Variants in CDC42BPA observed in about 807,000 individuals in gnomAD.
The protein encoded by CDC42BPA is serine/threonine-protein kinase MRCK alpha.
Under a neutral mutation model 223.5 loss-of-function variants are expected in CDC42BPA, and 80 were observed. That is an observed-to-expected ratio of 0.36 (90% CI 0.30 to 0.43). The LOEUF is 0.43. Among genes scored for constraint, CDC42BPA ranks in the 20% least tolerant of loss-of-function variants. CDC42BPA has a pLI of 1.00. For missense variants in CDC42BPA, 1,743 were observed against 2,099.9 expected, an observed-to-expected ratio of 0.83 and a Z score of 3.32; for synonymous variants, 694 against 718.6, an observed-to-expected ratio of 0.97 and a Z score of 0.55.
intron 1 of CDC42BPA, among the ~76,000 whole-genome samples, chr1:227,314,464 T>C (rs921565992): frequency 2.0e-5 from 3 of 152,142 alleles, no homozygotes; most frequent in South Asian, 2.1e-4. Context: ...AAACAACATA[T>C]CTGACTTTGA....
At chr1:227,102,453 C>T (rs1228144249) in intron 14 of CDC42BPA, among the ~76,000 whole-genome samples, 1 of 152,166 alleles carries the variant, frequency 6.6e-6, no homozygotes, top group African/African-American at 2.4e-5. Context: ...AAATTGACAT[C>T]TGTGGCACTT....
chr1:227,091,152 G>C (rs114827621), intron 16 of CDC42BPA, among the ~76,000 whole-genome samples: 1,638 of 152,262 alleles, frequency 0.011, 33 homozygotes, highest in African/African-American at 0.037. Flanking sequence ...CCAAGGGACA[G>C]CCTTAACTTG....
Position 227,244,017 on chromosome 1 carries a change from T to TA in CDC42BPA, c.270+10046dup, listed in dbSNP as rs78926711. On this transcript the variant is annotated intron_variant, in intron 2 of 36. Coordinates refer to ENST00000366766, the MANE Select transcript of CDC42BPA (RefSeq NM_001394014.1). ...CTCACTCACCAAAAAAAAACTAAAG[T>TA]AAAAAAAAAAAAAGACCCATGTTAG... is the stretch of plus-strand genomic sequence containing the variant. Among the ~76,000 whole-genome samples the TA allele has an allele frequency of 3.9e-3, 495 of 128,546 alleles. 3 individuals carry two copies. The highest frequency in any genetic ancestry group is 0.012 in the African/African-American group (418 of 34,734). The allele number at this position is 128,546 out of a possible 152,430, so 84.3% of individuals were successfully genotyped here.
intron 5 of CDC42BPA, among the ~76,000 whole-genome samples, chr1:227,180,821 T>TA (rs1667805923): frequency 6.6e-6 from 1 of 152,206 alleles, no homozygotes; most frequent in African/African-American, 2.4e-5. Context: ...TTCTGTGTCT[T>TA]AAATCATTAG....
chr1:227,173,164 G>A (rs1267298709), intron 5 of CDC42BPA, among the ~76,000 whole-genome samples: 1 of 152,120 alleles, frequency 6.6e-6, no homozygotes, highest in African/African-American at 2.4e-5. Context: ...CAGAAGTTTC[G>A]TTCAATTACC....
At chr1:227,175,434 A>AAT (rs148230832) in intron 5 of CDC42BPA, among the ~76,000 whole-genome samples, 8,513 of 150,678 alleles carry the variant, frequency 0.056, 259 homozygotes, top group Non-Finnish European at 0.075. Flanking sequence ...GTCTAATTTA[A>AAT]ATATATATAT....
At chr1:227,208,941 A>T (rs1319927374) in intron 3 of CDC42BPA, among the ~76,000 whole-genome samples, 3 of 152,034 alleles carry the variant, frequency 2.0e-5, no homozygotes, top group East Asian at 1.9e-4. Flanking sequence ...GTAAATTACC[A>T]TGGGCAGTAT....
rs116233697 is a variant in CDC42BPA at position 227,271,788 on chromosome 1, A to C, written c.179-17633T>G. On this transcript the variant is annotated intron_variant, in intron 1 of 36. Coordinates refer to ENST00000366766, the MANE Select transcript of CDC42BPA (RefSeq NM_001394014.1). ...TACCAGATATTGTACTAGAAATGGG[A>C]AACATTCTGGGTAGTTACCTACTCA... 3.9e-3 allele frequency among the ~76,000 whole-genome samples: 588 copies of C among 152,272 alleles called. 4 individuals are homozygous for C. Among genetic ancestry groups the C allele is most frequent in the African/African-American group, 0.014 (571 of 41,562 alleles).
At chr1:227,244,649 C>T (rs981294007) in intron 2 of CDC42BPA, among the ~76,000 whole-genome samples, 6 of 152,172 alleles carry the variant, frequency 3.9e-5, no homozygotes, top group Non-Finnish European at 8.8e-5. Flanking sequence ...TCAAGCTCTC[C>T]CACACCATGC....
At chr1:227,145,324 C>CT (rs1660525158) in intron 8 of CDC42BPA, among the ~76,000 whole-genome samples, 165 bp downstream of exon 8, 1 of 152,168 alleles carries the variant, frequency 6.6e-6, no homozygotes, top group Non-Finnish European at 1.5e-5. Flanking sequence ...TAACTTTCTT[C>CT]TTAATTTGAT....
chr1:227,168,498 T>TTTTTTTTTTTTGTTTTTTTTG (rs1553374269), intron 5 of CDC42BPA, among the ~76,000 whole-genome samples: 3 of 25,414 alleles, frequency 1.2e-4, no homozygotes, highest in African/African-American at 5.3e-4. Context: ...TTCCCTGGTG[T>TTTTTTTTTTTTGTTTTTTTTG]TTTTTTTTTT....
chr1:227,224,452 G>A (rs746460159), intron 2 of CDC42BPA, among the ~76,000 whole-genome samples: 7 of 151,872 alleles, frequency 4.6e-5, no homozygotes, highest in Non-Finnish European at 8.8e-5. Context: ...GGCTGGTCTC[G>A]AACTCCTGAC....
At chr1:227,167,808 T>G (rs1439682899) in intron 5 of CDC42BPA, among the ~76,000 whole-genome samples, 1 of 152,226 alleles carries the variant, frequency 6.6e-6, no homozygotes, top group East Asian at 1.9e-4. Context: ...CATTTACAAT[T>G]TTAAGTGCCT....
At chr1:227,253,894 T>C (rs959394709) in intron 2 of CDC42BPA, among the ~76,000 whole-genome samples, 170 bp downstream of exon 2, 5 of 152,180 alleles carry the variant, frequency 3.3e-5, no homozygotes, top group African/African-American at 1.2e-4. Context: ...AACACTTTAT[T>C]TTCTGAGCTA....
intron 1 of CDC42BPA, among the ~76,000 whole-genome samples, chr1:227,301,833 T>C (rs1468559227): frequency 6.6e-6 from 1 of 152,184 alleles, no homozygotes; most frequent in Admixed American, 6.5e-5. Context: ...ATCCTCCCAA[T>C]ATGGTTACAG....
At chr1:227,014,777 C>T (rs982444908) in intron 34 of CDC42BPA, among the ~76,000 whole-genome samples, 25 of 151,992 alleles carry the variant, frequency 1.6e-4, no homozygotes, top group East Asian at 1.4e-3. Flanking sequence ...TAAAATTCTG[C>T]GCAAAATTTA....
At chr1:227,060,866 T>A (rs1391398055) in intron 21 of CDC42BPA, among the ~76,000 whole-genome samples, 1 of 151,634 alleles carries the variant, frequency 6.6e-6, no homozygotes, top group Non-Finnish European at 1.5e-5. Flanking sequence ...TGATTACAAG[T>A]GCGCGCCACC....
Position 226,994,750 on chromosome 1 carries a change from A to G in CDC42BPA, c.5133+73T>C, listed in dbSNP as rs1572122040. 1.4e-6 allele frequency: 2 copies of G among 1,427,520 alleles called. No homozygotes were observed. The highest frequency in any genetic ancestry group is 4.7e-5 in the East Asian group (2 of 42,740). The allele number at this position is 1,427,520 out of a possible 1,614,324, so 88.4% of individuals were successfully genotyped here. A position where few individuals can be genotyped will look rare whatever the true frequency, so the allele number is the denominator to read the frequency against. ...CCTGCTGCAGCTGAGGCCAATCCCA[A>G]GGTGGTGGGATTGCCTGGGAAGATG... On this transcript the variant is annotated intron_variant, in intron 36 of 36. Coordinates refer to ENST00000366766, the MANE Select transcript of CDC42BPA (RefSeq NM_001394014.1). The surrounding 1 kb of genome is among the most constrained non-coding windows in gnomAD (Gnocchi z 4.0).
intron 34 of CDC42BPA, among the ~76,000 whole-genome samples, chr1:227,013,941 A>G (rs1251487750): frequency 1.3e-5 from 2 of 152,188 alleles, no homozygotes; most frequent in Non-Finnish European, 2.9e-5. Flanking sequence ...TGACTTATCA[A>G]ATATAAGTCA....
Sources: allele counts gnomAD v4.1 joint callset (sites outside exome capture counted in the v4.1 genomes callset), GRCh38; gene constraint gnomAD v4.1.1; non-coding constraint Gnocchi (gnomAD v3.1); transcripts MANE v1.5; gene names NCBI Gene and HGNC (gene_info 2026-07-23, HGNC 2026-07-21).